Variants in ENTPD1 observed in about 807,000 individuals in gnomAD.
The protein encoded by ENTPD1 is ATP diphosphohydrolase.
Under a neutral mutation model 57.0 loss-of-function variants are expected in ENTPD1, and 33 were observed. The ratio of observed to expected loss-of-function variants is 0.58; its 90% CI spans 0.44 to 0.77. The LOEUF is 0.77. Ranked by LOEUF, ENTPD1 falls within the 30% of genes least tolerant of loss-of-function variation. ENTPD1 has a pLI of 0.00. For synonymous variants in ENTPD1, 202 were observed against 218.8 expected, an observed-to-expected ratio of 0.92 and a Z score of 0.68; for missense variants, 501 against 603.4, an observed-to-expected ratio of 0.83 and a Z score of 1.78.
intron 1 of ENTPD1, among the ~76,000 whole-genome samples, chr10:95,779,619 A>G (rs2098148427): frequency 6.6e-6 from 1 of 151,972 alleles, no homozygotes; most frequent in South Asian, 2.1e-4. Context: ...TGAGCTGCCT[A>G]CTTCTACTTA....
intron 1 of ENTPD1, among the ~76,000 whole-genome samples, chr10:95,769,011 G>C (rs1204523858): frequency 1.3e-5 from 2 of 152,160 alleles, no homozygotes; most frequent in Non-Finnish European, 2.9e-5. Flanking sequence ...TCAGGTCTTG[G>C]AAAAATGCAA....
intron 2 of ENTPD1, chr10:95,839,327 G>T: frequency 3.2e-6 from 1 of 314,466 alleles, no homozygotes; most frequent in Non-Finnish European, 6.2e-6. Context: ...AGACAAGTTT[G>T]GGGACTATAG....
rs1397954671 is a variant in ENTPD1, at chr10:95,876,826, A to G, written c.*10443A>G. Among the ~76,000 whole-genome samples the G allele has an allele frequency of 6.6e-6, 1 of 152,270 alleles. No homozygotes were observed. Among genetic ancestry groups the G allele is most frequent in the African/African-American group, 2.4e-5 (1 of 41,474 alleles). On this transcript the variant is annotated 3_prime_UTR_variant, in exon 10 of 10. Transcript: ENST00000371205. ...AAGTGCTAATTACAATCACAAATGA[A>G]ACAAGATTCAGACTTCATGAAGAGC...
In ENTPD1 at chr10:95,871,408, G is replaced by A; in HGVS notation, c.*5025G>A. 1 of 985,372 alleles carries A rather than the reference G, an allele frequency of 1.0e-6. No individual in the cohort carries two copies. The highest frequency in any genetic ancestry group is 1.2e-6 in the Non-Finnish European group (1 of 829,918). 61.0% of individuals were successfully genotyped at this position (985,372 alleles called of 1,614,324 possible). ...GGATGCTGTGGCAGCTCCCACATTA[G>A]CCTCGCATTCTAAACTGGTAGATGT... On this transcript the variant is annotated 3_prime_UTR_variant, in exon 10 of 10. Transcript: ENST00000371205.
At chr10:95,758,434 T>G (rs750267387) in intron 1 of ENTPD1, among the ~76,000 whole-genome samples, 4 of 152,328 alleles carry the variant, frequency 2.6e-5, no homozygotes, top group Middle Eastern at 3.4e-3. Context: ...TATTAACATT[T>G]GCTATCACTG....
chr10:95,786,195 C>T (rs1341637329), intron 1 of ENTPD1, among the ~76,000 whole-genome samples: 3 of 152,182 alleles, frequency 2.0e-5, no homozygotes, highest in African/African-American at 7.2e-5. Flanking sequence ...TGCCCCTCCC[C>T]TTCCCATAAT....
intron 2 of ENTPD1, among the ~76,000 whole-genome samples, chr10:95,829,483 A>C (rs1224720881): frequency 6.6e-6 from 1 of 152,260 alleles, no homozygotes; most frequent in Non-Finnish European, 1.5e-5. Flanking sequence ...GCTGCTGGGC[A>C]GAAATAGAGA....
At chr10:95,760,532 A>G (rs2098053178) in intron 1 of ENTPD1, among the ~76,000 whole-genome samples, 1 of 152,234 alleles carries the variant, frequency 6.6e-6, no homozygotes. Context: ...GCTGCACATT[A>G]AATGATTTCC....
rs1014370986 is a variant in ENTPD1, at chr10:95,870,563, G to A, written c.*4180G>A. On this transcript the variant is annotated 3_prime_UTR_variant, in exon 10 of 10. Coordinates refer to ENST00000371205, the MANE Select transcript of ENTPD1 (RefSeq NM_001776.6). ...CAAAGTGTTGAGATTACAGGCGTAA[G>A]CCACTGCACCTGGCCAAGATGAATA... 3.0e-6 allele frequency: 3 copies of A among 985,434 alleles called. No individual in the cohort carries two copies. Among genetic ancestry groups the A allele is most frequent in the Non-Finnish European group, 3.6e-6 (3 of 829,910 alleles). 61.0% of individuals were successfully genotyped at this position (985,434 alleles called of 1,614,324 possible). A position where few individuals can be genotyped will look rare whatever the true frequency, so the allele number is the denominator to read the frequency against.
intron 1 of ENTPD1, among the ~76,000 whole-genome samples, chr10:95,767,559 T>C (rs2098094717): frequency 6.6e-6 from 1 of 152,084 alleles, no homozygotes; most frequent in Admixed American, 6.6e-5. Flanking sequence ...TATTTGGATA[T>C]TAATAATCAA....
At chr10:95,767,414 T>C (rs1479211064) in intron 1 of ENTPD1, among the ~76,000 whole-genome samples, 1 of 151,838 alleles carries the variant, frequency 6.6e-6, no homozygotes, top group African/African-American at 2.4e-5. Flanking sequence ...TTTGACCCCA[T>C]TATGAGAGAA....
chr10:95,816,406 T>C (rs1191516056), intron 1 of ENTPD1, among the ~76,000 whole-genome samples: 1 of 152,148 alleles, frequency 6.6e-6, no homozygotes. Flanking sequence ...ATAATGATAA[T>C]TATAATAGTG....
rs1444158898 is a variant in ENTPD1 at position 95,867,696 on chromosome 10, AAG to A, written c.*1316_*1317del. 4 of 985,336 alleles carry A rather than the reference AAG, an allele frequency of 4.1e-6. No homozygotes were observed. The highest frequency in any genetic ancestry group is 1.7e-5 in the African/African-American group (1 of 57,228). 61.0% of individuals were successfully genotyped at this position (985,336 alleles called of 1,614,324 possible). On this transcript the variant is annotated 3_prime_UTR_variant, in exon 10 of 10. Transcript: ENST00000371205. ...CACCCCTTTCCTTAAGGATTGCTGC[AAG>A]AGTTACCTGTTGAGCAGGATTGACT...
chr10:95,788,560 T>G (rs1233076448), intron 1 of ENTPD1, among the ~76,000 whole-genome samples: 2 of 151,502 alleles, frequency 1.3e-5, no homozygotes, highest in East Asian at 3.9e-4. Flanking sequence ...GAGGTTGCAG[T>G]GAGCTGAGAT....
intron 1 of ENTPD1, among the ~76,000 whole-genome samples, chr10:95,714,561 T>C (rs765071701): frequency 1.3e-5 from 2 of 152,152 alleles, no homozygotes; most frequent in Non-Finnish European, 2.9e-5. Context: ...GAAGCTAATT[T>C]TTTCCTGAGT....
the ENTPD1 span, among the ~76,000 whole-genome samples, chr10:95,702,094 A>G: frequency 6.6e-6 from 1 of 152,096 alleles, no homozygotes; most frequent in Non-Finnish European, 1.5e-5. Context: ...ATAAAAAATC[A>G]GTAGAGTAAT....
intron 1 of ENTPD1, among the ~76,000 whole-genome samples, chr10:95,819,772 C>T (rs561604113): frequency 2.6e-5 from 4 of 152,198 alleles, no homozygotes; most frequent in South Asian, 4.2e-4. Context: ...AGGAAGTGGC[C>T]GTCTTAAATT....
chr10:95,776,030 C>T (rs1290310755), intron 1 of ENTPD1, among the ~76,000 whole-genome samples: 11 of 152,036 alleles, frequency 7.2e-5, no homozygotes, highest in Admixed American at 2.6e-4. Context: ...AGCCTATGTG[C>T]GTTCCTTGCA....
At chr10:95,782,736 G>A (rs2098162743) in intron 1 of ENTPD1, among the ~76,000 whole-genome samples, 2 of 152,252 alleles carry the variant, frequency 1.3e-5, no homozygotes, top group Middle Eastern at 6.8e-3. Context: ...AGCTCTTCCT[G>A]TTGTTCCCCC....
Sources: gnomAD v4.1 joint callset for allele counts (sites outside exome capture counted in the v4.1 genomes callset) on GRCh38, gnomAD v4.1.1 for gene constraint, MANE v1.5 for transcripts, NCBI Gene and HGNC (gene_info 2026-07-23, HGNC 2026-07-21) for gene names.